The following TAOK3 variants were observed in gnomAD, a reference collection of about 807,000 sequenced individuals.
TAOK3 encodes the protein TAO kinase 3, also known as serine/threonine-protein kinase TAO3.
TAOK3 carries 40 observed loss-of-function variants against 120.4 expected under a neutral mutation model. The ratio of observed to expected loss-of-function variants is 0.33; its 90% confidence interval spans 0.26 to 0.43. The LOEUF is 0.43. TAOK3 is among the 20% of genes least tolerant of loss of function. The pLI is 1.00. For missense variants in TAOK3, 821 were observed against 1,112.1 expected, an observed-to-expected ratio of 0.74 and a Z score of 3.72; for synonymous variants, 355 against 387.5, an observed-to-expected ratio of 0.92 and a Z score of 0.99.
At chr12:118,208,804 C>T (rs749560343) in intron 11 of TAOK3, among the ~76,000 whole-genome samples, 5 of 151,874 alleles carry the variant, frequency 3.3e-5, no homozygotes, top group Non-Finnish European at 5.9e-5. Context: ...CTTCGCCTTC[C>T]GGGTTCAAGT....
intron 1 of TAOK3, among the ~76,000 whole-genome samples, chr12:118,343,548 A>G (rs183170664): frequency 6.6e-6 from 1 of 152,274 alleles, no homozygotes; most frequent in East Asian, 1.9e-4. Context: ...TGAGCATTTG[A>G]TATGTGCAGG....
chr12:118,343,739 G>A (rs912093529), intron 1 of TAOK3, among the ~76,000 whole-genome samples: 4 of 152,192 alleles, frequency 2.6e-5, no homozygotes, highest in East Asian at 1.9e-4. Flanking sequence ...GAGGCTGGGC[G>A]CGGTGGCTCA....
intron 1 of TAOK3, among the ~76,000 whole-genome samples, chr12:118,361,058 TAAC>T (rs1040883811): frequency 2.0e-5 from 3 of 152,218 alleles, no homozygotes; most frequent in African/African-American, 7.2e-5. Context: ...AGAAAACTGA[TAAC>T]AACCCTAAAT....
intron 13 of TAOK3, chr12:118,190,238 A>G (rs764871598): frequency 3.5e-5 from 11 of 314,878 alleles, no homozygotes; most frequent in Non-Finnish European, 6.6e-5. Context: ...AATGCAATGT[A>G]CAGACTCCTT....
Position 118,245,056 on chromosome 12 carries a change from A to G in TAOK3, c.121-91T>C, listed in dbSNP as rs1167071433. On this transcript the variant is annotated intron_variant, in intron 3 of 20. Transcript: ENST00000392533. The stretch of plus-strand genomic sequence containing the variant: ...ATTTGACTAGAGACTATTTATTTAT[A>G]TATTTATTTATTGACAGTCTCATTC... 1.0e-5 allele frequency: 8 copies of G among 783,134 alleles called. No individual in the cohort carries two copies. The Admixed American group carries it at 1.8e-4, about 17-fold the overall frequency. 48.5% of individuals were successfully genotyped at this position (783,134 alleles called of 1,614,324 possible).
intron 1 of TAOK3, among the ~76,000 whole-genome samples, chr12:118,330,836 T>C (rs2044118326): frequency 6.6e-6 from 1 of 151,934 alleles, no homozygotes; most frequent in Non-Finnish European, 1.5e-5. Context: ...ACGATGATCC[T>C]TTGGTTTGAC....
At chr12:118,366,628 G>A (rs2045748406) in intron 1 of TAOK3, among the ~76,000 whole-genome samples, 1 of 152,158 alleles carries the variant, frequency 6.6e-6, no homozygotes, top group Admixed American at 6.6e-5. Context: ...TTAATATAAA[G>A]TATACAATGT....
intron 1 of TAOK3, among the ~76,000 whole-genome samples, chr12:118,365,695 T>G (rs1337579142): frequency 6.6e-6 from 1 of 152,258 alleles, no homozygotes; most frequent in Non-Finnish European, 1.5e-5. Context: ...TACTCTGTGC[T>G]TCGTACTATA....
At chr12:118,289,730 C>T (rs1212879842) in intron 1 of TAOK3, among the ~76,000 whole-genome samples, 1 of 152,096 alleles carries the variant, frequency 6.6e-6, no homozygotes, top group Non-Finnish European at 1.5e-5. Context: ...CGTGGTGGCT[C>T]ACAGCTATAA....
intron 2 of TAOK3, among the ~76,000 whole-genome samples, chr12:118,259,798 T>A (rs139679935): frequency 5.9e-5 from 9 of 151,802 alleles, no homozygotes; most frequent in Non-Finnish European, 1.3e-4. Context: ...GTGAGTAGAG[T>A]TGGCAGGGCA....
intron 1 of TAOK3, among the ~76,000 whole-genome samples, chr12:118,302,863 A>G (rs1157342736): frequency 6.6e-6 from 1 of 152,190 alleles, no homozygotes; most frequent in Non-Finnish European, 1.5e-5. Flanking sequence ...GAAAATTCCA[A>G]TATCACGACT....
At chr12:118,237,626 G>T (rs2040069642) in intron 7 of TAOK3, among the ~76,000 whole-genome samples, 1 of 151,902 alleles carries the variant, frequency 6.6e-6, no homozygotes, top group African/African-American at 2.4e-5. Context: ...ATCTTCCTAA[G>T]TATCTATATG....
chr12:118,318,137 A>G (rs2043547651), intron 1 of TAOK3, among the ~76,000 whole-genome samples: 1 of 151,992 alleles, frequency 6.6e-6, no homozygotes, highest in African/African-American at 2.4e-5. Context: ...CGAGACCTAA[A>G]TAAGATATAA....
chr12:118,181,563 C>T lies in TAOK3; in HGVS notation c.1374G>A (p.Arg458=), dbSNP rs1242999570. The T allele has an allele frequency of 6.2e-7, 1 of 1,614,102 alleles. No individual in the cohort carries two copies. The highest frequency in any genetic ancestry group is 1.3e-5 in the African/African-American group (1 of 74,928). ...IHEHEQENEL[R]EQMSGYKRMR... is the part of the protein sequence containing the mutation. Reference sequence around the variant, plus strand: ...TCCGCTTATAACCTGACATCTGTTCCCGCAACTCGTTCTCCTGCTCATGCT... The same window carrying T: ...TCCGCTTATAACCTGACATCTGTTCTCGCAACTCGTTCTCCTGCTCATGCT... The change falls in exon 15 of 21, where the codon CGG becomes CGA. Residue 458 remains arginine (R), a synonymous_variant. Coordinates refer to ENST00000392533, the MANE Select transcript of TAOK3 (RefSeq NM_016281.4).
At chr12:118,364,937 TC>T (rs1476565322) in intron 1 of TAOK3, among the ~76,000 whole-genome samples, 3 of 152,146 alleles carry the variant, frequency 2.0e-5, no homozygotes, top group Non-Finnish European at 4.4e-5. Flanking sequence ...ATTAAGCACT[TC>T]CTATGTGTCA....
chr12:118,311,208 C>A (rs2140854144), intron 1 of TAOK3, among the ~76,000 whole-genome samples: 1 of 152,290 alleles, frequency 6.6e-6, no homozygotes, highest in East Asian at 1.9e-4. Flanking sequence ...TGCCTGTAAT[C>A]CCACCACCTT....
intron 1 of TAOK3, among the ~76,000 whole-genome samples, chr12:118,285,866 T>TGCA (rs1405240353): frequency 6.6e-6 from 1 of 152,168 alleles, no homozygotes; most frequent in Non-Finnish European, 1.5e-5. Flanking sequence ...AATCAACATA[T>TGCA]GCAAGATGAA....
intron 5 of TAOK3, among the ~76,000 whole-genome samples, chr12:118,242,428 G>T (rs1372932915): frequency 6.6e-6 from 1 of 152,188 alleles, no homozygotes; most frequent in Non-Finnish European, 1.5e-5. Context: ...AAAGGAGTTG[G>T]TACATGGTAA....
chr12:118,324,253 T>C (rs531167828), intron 1 of TAOK3, among the ~76,000 whole-genome samples: 2 of 152,282 alleles, frequency 1.3e-5, no homozygotes, highest in East Asian at 3.9e-4. Context: ...AAGGAGGAAT[T>C]GGGTGCAGGA....
Sources: gnomAD v4.1 joint callset for allele counts (sites outside exome capture counted in the v4.1 genomes callset) on GRCh38, gnomAD v4.1.1 for gene constraint, MANE v1.5 for transcripts, NCBI Gene and HGNC (gene_info 2026-07-23, HGNC 2026-07-21) for gene names.